CARF: variants seen among roughly 807,000 people sequenced by gnomAD.
CARF encodes the protein calcium responsive transcription factor.
Under a neutral mutation model 82.0 loss-of-function variants are expected in CARF, and 57 were observed. The ratio of observed to expected loss-of-function variants is 0.70; its 90% CI spans 0.56 to 0.87. The LOEUF (loss-of-function observed/expected upper bound fraction) is 0.87. CARF is among the 40% of genes least tolerant of loss of function. The pLI is 0.00. For synonymous variants in CARF, 268 were observed against 290.1 expected (o/e 0.92, Z 0.77); for missense variants, 771 against 855.8 (o/e 0.90, Z 1.24).
intron 1 of CARF, among the ~76,000 whole-genome samples, chr2:202,917,270 A>G (rs1404253006): frequency 6.6e-6 from 1 of 150,996 alleles, no homozygotes; most frequent in Non-Finnish European, 1.5e-5. Flanking sequence ...ATGCTTTCCA[A>G]TCTTTACTTT....
At chr2:202,980,018 G>A (rs981821528) in intron 14 of CARF, among the ~76,000 whole-genome samples, 3 of 152,106 alleles carry the variant, frequency 2.0e-5, no homozygotes, top group Non-Finnish European at 2.9e-5. Context: ...AGTACAGTGG[G>A]ACGATCTTGG....
In CARF at chr2:202,986,349, G is replaced by T. The variant is rs952056357; in HGVS notation, c.*2725G>T. 3 of 152,020 alleles carry T rather than the reference G, an allele frequency of 2.0e-5. No homozygotes were observed. Among genetic ancestry groups the T allele is most frequent in the Admixed American group, 6.6e-5 (1 of 15,258 alleles). The allele number at this position is 152,020 out of a possible 1,614,324, so 9.4% of individuals were successfully genotyped here. A position where few individuals can be genotyped will look rare whatever the true frequency, so the allele number is the denominator to read the frequency against. On this transcript the variant is annotated 3_prime_UTR_variant, in exon 17 of 17. Coordinates refer to ENST00000438828, the MANE Select transcript of CARF (RefSeq NM_024744.17). Reference sequence around the variant, plus strand: ...TAAATACAAGCTTCTAAAATTTTCAGTATCTATATTGGCTTTCTCTAACAG... The same window carrying T: ...TAAATACAAGCTTCTAAAATTTTCATTATCTATATTGGCTTTCTCTAACAG...
At chr2:202,947,039 T>A (rs181068509) in intron 5 of CARF, among the ~76,000 whole-genome samples, 96 of 152,282 alleles carry the variant, frequency 6.3e-4, no homozygotes, top group African/African-American at 2.2e-3. Flanking sequence ...TAGTGTAAAT[T>A]AGTTTGGCCA....
intron 3 of CARF, among the ~76,000 whole-genome samples, chr2:202,933,866 C>A (rs1693433817): frequency 1.9e-5 from 1 of 53,614 alleles, no homozygotes; most frequent in African/African-American, 3.9e-5. Context: ...TCTTTCCTTT[C>A]TTTTCTTTTC....
chr2:202,941,255 A>AT (rs1442097539), intron 3 of CARF, among the ~76,000 whole-genome samples: 1 of 152,132 alleles, frequency 6.6e-6, no homozygotes, highest in African/African-American at 2.4e-5. Context: ...AAATGGACTG[A>AT]TTTTGTAGCT....
intron 3 of CARF, among the ~76,000 whole-genome samples, chr2:202,932,907 T>C (rs1693207698): frequency 6.6e-6 from 1 of 152,034 alleles, no homozygotes; most frequent in Admixed American, 6.6e-5. Flanking sequence ...AGCTCAGCCC[T>C]GGGATGGGCA....
chr2:202,953,246 C>A (rs991115162), intron 6 of CARF, among the ~76,000 whole-genome samples: 5 of 152,034 alleles, frequency 3.3e-5, no homozygotes. Context: ...GAACTCCTGA[C>A]CTTGGGTGAT....
At chr2:202,980,661 T>TAC (rs1309966072) in intron 14 of CARF, among the ~76,000 whole-genome samples, 2 of 125,432 alleles carry the variant, frequency 1.6e-5, no homozygotes, top group African/African-American at 6.2e-5. Flanking sequence ...TATATATATA[T>TAC]AGTTGTGCCT....
In CARF at chr2:202,934,256, A is replaced by G. The variant is rs150642835; in HGVS notation, c.-43-7604A>G. 7.9e-5 allele frequency among the ~76,000 whole-genome samples: 12 copies of G among 152,166 alleles called. No homozygotes were observed. In the East Asian group the frequency reaches 2.1e-3, roughly 27 times the overall value. On this transcript the variant is annotated intron_variant, in intron 3 of 16. Coordinates refer to ENST00000438828, the MANE Select transcript of CARF (RefSeq NM_024744.17). ...ATGTTCTTTATGGTTCAGATCTAGT[A>G]TTTGCAGTTCCATGTGAATTTGAGA...
intron 10 of CARF, among the ~76,000 whole-genome samples, chr2:202,968,873 A>T (rs2059660810): frequency 2.6e-5 from 4 of 152,242 alleles, no homozygotes; most frequent in Admixed American, 2.6e-4. Flanking sequence ...AAGAAGGAAT[A>T]TATCCATACA....
In CARF at chr2:202,982,289, C is replaced by T; in HGVS notation, c.1907C>T (p.Pro636Leu). The T allele has an allele frequency of 6.2e-7, 1 of 1,614,108 alleles. No individual in the cohort carries two copies. The highest frequency in any genetic ancestry group is 8.5e-7 in the Non-Finnish European group (1 of 1,180,012). The change falls in exon 16 of 17, where the codon CCA (proline) becomes CTA (leucine). Residue 636 changes from proline (P) to leucine (L), a missense_variant. By Grantham distance (98) the Pro-to-Leu change is moderately conservative (BLOSUM62 -3). Coordinates refer to ENST00000438828, the MANE Select transcript of CARF (RefSeq NM_024744.17). Reference sequence around the variant, plus strand: ...ACTGCCTCCACCATGGGTAACCTTCCAGAACCAGATCAAAATCTAGTTGCA... The same window carrying T: ...ACTGCCTCCACCATGGGTAACCTTCTAGAACCAGATCAAAATCTAGTTGCA... ...NSTASTMGNL[P>L]EPDQNLVAMD...
intron 3 of CARF, among the ~76,000 whole-genome samples, chr2:202,939,640 C>T (rs1230276876): frequency 6.8e-6 from 1 of 147,260 alleles, no homozygotes; most frequent in Non-Finnish European, 1.5e-5. Context: ...ATAATTATTT[C>T]TTCTGCATCT....
chr2:202,925,367 T>C (rs972077929), intron 3 of CARF: 6 of 316,084 alleles, frequency 1.9e-5, no homozygotes, highest in Non-Finnish European at 3.8e-5. Context: ...GTCACATCCC[T>C]GGTCCTGTCC....
In CARF at chr2:202,969,925, C is replaced by T. The variant is rs1290371629; in HGVS notation, c.960C>T (p.Tyr320=). Reference sequence around the variant, plus strand: ...TTCTTTATCTTGTATAAAGGATTTACATTAAAAAGGTACAGAAGTTTCCTG... The same window carrying T: ...TTCTTTATCTTGTATAAAGGATTTATATTAAAAAGGTACAGAAGTTTCCTG... ...LYKATCPARI[Y]IKKVQKFPEY... Residue 320 remains tyrosine (Y), a synonymous_variant, in exon 11 of 17, where the codon TAC becomes TAT. Coordinates refer to ENST00000438828, the MANE Select transcript of CARF (RefSeq NM_024744.17). 1.3e-6 allele frequency: 2 copies of T among 1,498,258 alleles called. No homozygotes were observed. The highest frequency in any genetic ancestry group is 1.3e-5 in the South Asian group (1 of 75,684). 92.8% of individuals were successfully genotyped at this position (1,498,258 alleles called of 1,614,324 possible). A position where few individuals can be genotyped will look rare whatever the true frequency, so the allele number is the denominator to read the frequency against.
chr2:202,932,117 T>G (rs540308010), intron 3 of CARF, among the ~76,000 whole-genome samples: 1 of 151,620 alleles, frequency 6.6e-6, no homozygotes, highest in East Asian at 1.9e-4. Context: ...GCCACACACT[T>G]AAACAACGAG....
At position 202,942,732 on chromosome 2, in the gene CARF, TACAAAAGCA is replaced by T; in HGVS notation, c.79-7_80del. 6.4e-7 allele frequency: 1 copy of T among 1,564,024 alleles called. No individual in the cohort carries two copies. The highest frequency in any genetic ancestry group is 1.4e-5 in the African/African-American group (1 of 72,494). On this transcript the variant is annotated splice_acceptor_variant and splice_polypyrimidine_tract_variant and coding_sequence_variant and intron_variant, in exon 5 of 17. Transcript: ENST00000438828. LOFTEE classifies it high-confidence loss of function. ...AGACTGAAGTGATTTTTTTTTTCCTTACAAAAGCATCTAATCTGTATGGACTCCAGGGAT... is the reference window on the plus strand; with the variant it reads ...AGACTGAAGTGATTTTTTTTTTCCTTTCTAATCTGTATGGACTCCAGGGAT...
At chr2:202,980,892 A>G (rs1192860109) in intron 14 of CARF, among the ~76,000 whole-genome samples, 1 of 151,778 alleles carries the variant, frequency 6.6e-6, no homozygotes, top group Non-Finnish European at 1.5e-5. Context: ...TGCAAATACG[A>G]TGCCATTTTA....
chr2:202,986,481 T>G lies in CARF; in HGVS notation c.*2857T>G, dbSNP rs1290299768. On this transcript the variant is annotated 3_prime_UTR_variant, in exon 17 of 17. Transcript: ENST00000438828. ...TAAATTAGCAGTAAAAAATTCACAA[T>G]TACAGCTCAGCTTGTTTATTCATTA... 1 of 152,044 alleles carries G rather than the reference T, an allele frequency of 6.6e-6. No homozygotes were observed. Among genetic ancestry groups the G allele is most frequent in the Non-Finnish European group, 1.5e-5 (1 of 67,950 alleles). 9.4% of individuals were successfully genotyped at this position (152,044 alleles called of 1,614,324 possible).
intron 5 of CARF, among the ~76,000 whole-genome samples, chr2:202,951,855 CAG>C (rs1030541101): frequency 1.4e-5 from 2 of 146,378 alleles, no homozygotes; most frequent in African/African-American, 5.0e-5. Context: ...TTTTTTGAGA[CAG>C]AGTCTCGCTC....
Sources: allele counts gnomAD v4.1 joint callset (sites outside exome capture counted in the v4.1 genomes callset), GRCh38; gene constraint gnomAD v4.1.1; transcripts MANE v1.5; gene names NCBI Gene and HGNC (gene_info 2026-07-23, HGNC 2026-07-21).